The following TEX14 variants were observed in gnomAD, a reference collection of about 807,000 sequenced individuals.
TEX14 encodes inactive serine/threonine-protein kinase TEX14.
Under a neutral mutation model 178.6 loss-of-function variants are expected in TEX14, and 168 were observed. The ratio of observed to expected loss-of-function variants is 0.94; its 90% CI spans 0.83 to 1.07. The LOEUF is 1.07. TEX14 is among the 50% of genes least tolerant of loss of function. TEX14 has a pLI of 0.00. For missense variants in TEX14, 1,730 were observed against 1,753.6 expected (o/e 0.99, Z 0.24); for synonymous variants, 626 against 634.1 (o/e 0.99, Z 0.19).
At chr17:58,596,194 A>T (rs531157219) in intron 14 of TEX14, among the ~76,000 whole-genome samples, 3,803 of 152,008 alleles carry the variant, frequency 0.025, 147 homozygotes, top group African/African-American at 0.085. Context: ...AAAAATTTAA[A>T]AAAAAAAAAG....
At chr17:58,640,395 C>T (rs2046545342) in intron 2 of TEX14, among the ~76,000 whole-genome samples, 1 of 152,052 alleles carries the variant, frequency 6.6e-6, no homozygotes, top group African/African-American at 2.4e-5. Context: ...GTAATCATCC[C>T]AGCTTTATAG....
chr17:58,650,241 C>T (rs1325051575), intron 2 of TEX14, among the ~76,000 whole-genome samples: 3 of 148,452 alleles, frequency 2.0e-5, no homozygotes, highest in African/African-American at 5.0e-5. Flanking sequence ...TTAGTAGAGA[C>T]GGGGTTTCAC....
At chr17:58,684,457 C>T (rs934327624) in intron 1 of TEX14, among the ~76,000 whole-genome samples, 12 of 148,792 alleles carry the variant, frequency 8.1e-5, no homozygotes, top group African/African-American at 2.2e-4. Context: ...AGCGAAACTC[C>T]GTCCCAAAAA....
In TEX14 at chr17:58,591,965, A is replaced by G. The variant is rs535766615; in HGVS notation, c.2576+1590T>C. ...TCCCAGCTACTCAGGAGGCTGAGAC[A>G]GGAGGATCGCTTGAACCCAGGAGGT... On this transcript the variant is annotated intron_variant, in intron 15 of 31. Transcript: ENST00000349033. Among the ~76,000 whole-genome samples, 39 of 151,910 alleles carry G rather than the reference A, an allele frequency of 2.6e-4. No individual in the cohort carries two copies. In the South Asian group the frequency reaches 8.1e-3, roughly 32 times the overall value.
At chr17:58,635,428 C>CT (rs548762963) in intron 2 of TEX14, among the ~76,000 whole-genome samples, 16,825 of 129,530 alleles carry the variant, frequency 0.13, 1,904 homozygotes, top group South Asian at 0.26. Flanking sequence ...GGGCTTCTCT[C>CT]TTTTTTTTTT....
chr17:58,574,121 T>C, intron 22 of TEX14, 66 bp downstream of exon 22: 2 of 1,257,928 alleles, frequency 1.6e-6, no homozygotes, highest in South Asian at 2.4e-5. Flanking sequence ...CAAACAAGAA[T>C]ATACTATTCC....
In TEX14 at chr17:58,598,906, G is replaced by C; in HGVS notation, c.2439C>G (p.Asn813Lys). The C allele has an allele frequency of 6.2e-7, 1 of 1,612,530 alleles. No homozygotes were observed. Among genetic ancestry groups the C allele is most frequent in the Non-Finnish European group, 8.5e-7 (1 of 1,179,296 alleles). ...SGGQKPDTSG[N>K]YPTLPRFPRM... The stretch of plus-strand genomic sequence containing the variant: ...TTGGAAATCTTGGTAGGGTTGGGTA[G>C]TTGCCACTGGTGTCTGGCTTCTGAC... The change falls in exon 14 of 32, where the codon AAC becomes AAG. Residue 813 changes from asparagine to lysine, a missense_variant. Physicochemically the swap from Asn to Lys is moderately conservative, Grantham distance 94. This residue lies in a region of TEX14 where 941 missense variants were observed against 1,072.4 expected (regional missense o/e 0.88). Transcript: ENST00000349033.
At chr17:58,615,437 T>C (rs1049530355) in intron 7 of TEX14, 92 bp from the exon 8 acceptor site, 5 of 825,962 alleles carry the variant, frequency 6.1e-6, no homozygotes, top group African/African-American at 5.1e-5. Flanking sequence ...ACCAGAGAAA[T>C]GGTCTCCACA....
chr17:58,613,812 G>A (rs2099025054), intron 8 of TEX14, among the ~76,000 whole-genome samples: 1 of 152,056 alleles, frequency 6.6e-6, no homozygotes, highest in African/African-American at 2.4e-5. Flanking sequence ...GATTACGGAT[G>A]CCCACCACCA....
At chr17:58,589,486 C>T (rs561519253) in intron 15 of TEX14, among the ~76,000 whole-genome samples, 7 of 145,288 alleles carry the variant, frequency 4.8e-5, no homozygotes, top group South Asian at 4.4e-4. Context: ...CTCTTGAACC[C>T]GGGAGGCAGA....
chr17:58,679,008 G>T (rs1403825443), intron 1 of TEX14, among the ~76,000 whole-genome samples: 1 of 151,866 alleles, frequency 6.6e-6, no homozygotes, highest in African/African-American at 2.4e-5. Flanking sequence ...ACAAACATTA[G>T]CAAGGCGTGG....
At chr17:58,557,383 G>A (rs958983973) in intron 31 of TEX14, among the ~76,000 whole-genome samples, 6 of 151,636 alleles carry the variant, frequency 4.0e-5, no homozygotes, top group Non-Finnish European at 8.8e-5. Context: ...CGATTGTCCT[G>A]CCTCAGCCTC....
In TEX14 at chr17:58,658,717, T is replaced by C. The variant is rs145942640; in HGVS notation, c.-1-6715A>G. 4.0e-3 allele frequency among the ~76,000 whole-genome samples: 615 copies of C among 152,152 alleles called. 9 individuals carry two copies. The highest frequency in any genetic ancestry group is 0.014 in the African/African-American group (578 of 41,504). On this transcript the variant is annotated intron_variant, in intron 1 of 31. Transcript: ENST00000349033. ...ATCCCACCAGAACAAAAGGCTAACA[T>C]AGCAAACTGGTAAATTTATCTGCAC...
Position 58,557,829 on chromosome 17 carries a change from C to T in TEX14, c.4289G>A (p.Trp1430Ter), listed in dbSNP as rs1176313448. The change falls in exon 31 of 32, where the codon TGG becomes TAG. Residue 1430 changes from tryptophan to a stop codon, truncating the protein, a stop_gained. Coordinates refer to ENST00000349033, the MANE Select transcript of TEX14 (RefSeq NM_031272.5). LOFTEE classifies it high-confidence loss of function. ...SEEDELKSCFWKRLGWSESSR... is the reference protein window; with the variant it reads ...SEEDELKSCF ...TGATTCGGACCAACCTAGTCGCTTC[C>T]AAAAACAGGATTTTAGTTCATCTTG... is the stretch of plus-strand genomic sequence containing the variant. 1 of 1,611,444 alleles carries T rather than the reference C, an allele frequency of 6.2e-7. No individual in the cohort carries two copies. Among genetic ancestry groups the T allele is most frequent in the South Asian group, 1.1e-5 (1 of 90,594 alleles).
chr17:58,607,339 A>T (rs1442996325), intron 10 of TEX14, among the ~76,000 whole-genome samples: 2 of 151,938 alleles, frequency 1.3e-5, no homozygotes, highest in Non-Finnish European at 2.9e-5. Flanking sequence ...CTACCCCCTC[A>T]CTTGGCCAGT....
intron 1 of TEX14, among the ~76,000 whole-genome samples, chr17:58,677,171 C>T (rs1308618522): frequency 1.3e-5 from 2 of 150,146 alleles, no homozygotes; most frequent in Non-Finnish European, 3.0e-5. Context: ...CATGCCTGTA[C>T]AGCTACTTGG....
At chr17:58,577,939 T>C (rs1253296921) in intron 20 of TEX14, among the ~76,000 whole-genome samples, 1 of 152,206 alleles carries the variant, frequency 6.6e-6, no homozygotes, top group Non-Finnish European at 1.5e-5. Context: ...CTAATTCAAC[T>C]GTCTTCTGTT....
intron 13 of TEX14, among the ~76,000 whole-genome samples, chr17:58,601,304 C>CTT (rs1567728250): frequency 6.6e-6 from 1 of 151,984 alleles, no homozygotes; most frequent in Non-Finnish European, 1.5e-5. Context: ...GGGTGGATCA[C>CTT]GAGGTCAGGA....
At chr17:58,645,755 T>C (rs532767487) in intron 2 of TEX14, among the ~76,000 whole-genome samples, 1 of 152,312 alleles carries the variant, frequency 6.6e-6, no homozygotes, top group East Asian at 1.9e-4. Flanking sequence ...GTAAGTAAAC[T>C]GTTAGAAGTT....
Sources: gnomAD v4.1 joint callset for allele counts (sites outside exome capture counted in the v4.1 genomes callset) on GRCh38, gnomAD v4.1.1 for gene constraint, gnomAD v4.1.1 regional missense constraint, MANE v1.5 for transcripts, NCBI Gene and HGNC (gene_info 2026-07-23, HGNC 2026-07-21) for gene names.